IPO11: variants seen among roughly 807,000 people sequenced by gnomAD.
The protein encoded by IPO11 is importin 11.
A neutral mutation model predicts 143.2 loss-of-function variants in IPO11; 66 were observed. The observed-to-expected ratio is 0.46, with a 90% confidence interval of 0.38 to 0.57. The LOEUF (loss-of-function observed/expected upper bound fraction) is 0.57. Among genes scored for constraint, IPO11 ranks in the 20% least tolerant of loss-of-function variants. The pLI is 0.00. For synonymous variants in IPO11, 385 were observed against 377.8 expected (o/e 1.02, Z -0.22); for missense variants, 1,026 against 1,141.0 (o/e 0.90, Z 1.45).
rs372957999 is a variant in IPO11, at chr5:62,487,498, A to G, written c.1219-273A>G. ...TTAAGGTATGATTAATTTAAAATGT[A>G]CACTTTGCTTGCCATAGTTTTAAGT... On this transcript the variant is annotated intron_variant, in intron 12 of 29. Coordinates refer to ENST00000325324, the MANE Select transcript of IPO11 (RefSeq NM_016338.5). Among the ~76,000 whole-genome samples, 63 of 152,284 alleles carry G rather than the reference A, an allele frequency of 4.1e-4. No individual in the cohort carries two copies. The East Asian group carries it at 8.9e-3, about 21-fold the overall frequency.
chr5:62,556,836 T>G (rs1368785071), intron 26 of IPO11, among the ~76,000 whole-genome samples: 2 of 152,202 alleles, frequency 1.3e-5, no homozygotes, highest in African/African-American at 2.4e-5. Context: ...TCCTCTTTTA[T>G]TTTTCCTTTC....
intron 28 of IPO11, among the ~76,000 whole-genome samples, chr5:62,598,729 G>C (rs1442386408): frequency 6.6e-6 from 1 of 150,840 alleles, no homozygotes; most frequent in Non-Finnish European, 1.5e-5. Context: ...ATTTTTAGTA[G>C]AAATGGGGTT....
intron 5 of IPO11, among the ~76,000 whole-genome samples, chr5:62,466,824 A>T (rs1353468503): frequency 6.6e-6 from 1 of 152,214 alleles, no homozygotes; most frequent in Non-Finnish European, 1.5e-5. Flanking sequence ...TAGTGGAGAT[A>T]AAAAGAATAA....
intron 1 of IPO11, among the ~76,000 whole-genome samples, chr5:62,414,855 A>G (rs544998473): frequency 3.9e-4 from 59 of 152,222 alleles, no homozygotes; most frequent in Non-Finnish European, 6.8e-4. Flanking sequence ...TTATAGCATC[A>G]TTTATTTTAA....
intron 29 of IPO11, among the ~76,000 whole-genome samples, chr5:62,603,055 A>T (rs1197858866): frequency 6.6e-6 from 1 of 152,172 alleles, no homozygotes; most frequent in Non-Finnish European, 1.5e-5. Flanking sequence ...AGTTTCTTGG[A>T]AACTGTAACT....
intron 29 of IPO11, among the ~76,000 whole-genome samples, chr5:62,605,400 G>C (rs1745669809): frequency 6.6e-6 from 1 of 152,148 alleles, no homozygotes; most frequent in African/African-American, 2.4e-5. Context: ...CTATTAAGCT[G>C]TCCAGCCTTT....
At chr5:62,439,115 A>G (rs1488650216) in intron 2 of IPO11, among the ~76,000 whole-genome samples, 1 of 151,864 alleles carries the variant, frequency 6.6e-6, no homozygotes, top group Non-Finnish European at 1.5e-5. Context: ...GCTTATTTAA[A>G]TGAATATGCT....
rs1745884534 is a variant in IPO11, at chr5:62,610,378, T to C, written c.2763+8530T>C. 3.3e-5 allele frequency among the ~76,000 whole-genome samples: 5 copies of C among 152,202 alleles called. No homozygotes were observed. In the South Asian group the frequency reaches 1.0e-3, roughly 31 times the overall value. Reference sequence around the variant, plus strand: ...GCCAGCTATATATTGAAAAGCAGTTTGAAAGATAGTGAATATAAATTATTG... The same window carrying C: ...GCCAGCTATATATTGAAAAGCAGTTCGAAAGATAGTGAATATAAATTATTG... On this transcript the variant is annotated intron_variant, in intron 29 of 29. Transcript: ENST00000325324.
At chr5:62,618,662 A>G (rs1439700992) in intron 29 of IPO11, among the ~76,000 whole-genome samples, 1 of 152,184 alleles carries the variant, frequency 6.6e-6, no homozygotes, top group Non-Finnish European at 1.5e-5. Flanking sequence ...CAATGGAAAA[A>G]TCTTTTCAGG....
intron 26 of IPO11, among the ~76,000 whole-genome samples, chr5:62,558,563 A>T (rs1743655226): frequency 6.6e-6 from 1 of 152,208 alleles, no homozygotes; most frequent in Admixed American, 6.5e-5. Flanking sequence ...GTTATTTTCT[A>T]TTAAAGTTCC....
In IPO11 at chr5:62,451,842, T is replaced by G; in HGVS notation, c.425T>G (p.Leu142Arg). Reference protein sequence around the residue: ...LIESVKVQDDLRQHRALLTFY... With the variant: ...LIESVKVQDDRRQHRALLTFY... The stretch of plus-strand genomic sequence containing the variant: ...GAGTCTGTTAAAGTCCAGGATGATC[T>G]TCGACAGCACAGAGCATTACTTACC... The change falls in exon 5 of 30, where the codon CTT (leucine) becomes CGT (arginine). Residue 142 changes from leucine to arginine, a missense_variant. Coordinates refer to ENST00000325324, the MANE Select transcript of IPO11 (RefSeq NM_016338.5). 1 of 1,614,094 alleles carries G rather than the reference T, an allele frequency of 6.2e-7. No homozygotes were observed. The highest frequency in any genetic ancestry group is 8.5e-7 in the Non-Finnish European group (1 of 1,179,908).
At chr5:62,485,546 A>C in intron 12 of IPO11, 84 bp downstream of exon 12, 1 of 1,096,122 alleles carries the variant, frequency 9.1e-7, no homozygotes, top group Non-Finnish European at 1.4e-6. Context: ...TCTATTAAAG[A>C]TTCCAGACAT....
chr5:62,452,618 A>T (rs1295941261), intron 5 of IPO11, among the ~76,000 whole-genome samples: 3 of 150,278 alleles, frequency 2.0e-5, no homozygotes, highest in Non-Finnish European at 2.9e-5. Context: ...AGGGAGTGAC[A>T]GCCTTTTATC....
At chr5:62,497,435 T>A (rs993611123) in intron 16 of IPO11, among the ~76,000 whole-genome samples, 1 of 152,228 alleles carries the variant, frequency 6.6e-6, no homozygotes. Flanking sequence ...CTATTGTCTT[T>A]GTTAAGCAGA....
chr5:62,513,532 G>A (rs1741870602), intron 19 of IPO11, among the ~76,000 whole-genome samples: 2 of 147,326 alleles, frequency 1.4e-5, no homozygotes, highest in Admixed American at 1.3e-4. Flanking sequence ...CGGCTGGCCG[G>A]GCGGGGGGCT....
intron 8 of IPO11, 112 bp from the exon 9 acceptor site, chr5:62,476,571 A>G (rs574363863): frequency 5.2e-5 from 61 of 1,162,234 alleles, no homozygotes; most frequent in Non-Finnish European, 6.4e-5. Flanking sequence ...TAATGAATTC[A>G]TAATGCAAAA....
At chr5:62,503,450 A>G (rs1741429909) in intron 16 of IPO11, among the ~76,000 whole-genome samples, 1 of 144,440 alleles carries the variant, frequency 6.9e-6, no homozygotes, top group Admixed American at 7.1e-5. Context: ...AGATTCTATT[A>G]ATAGTTTAAT....
At position 62,627,379 on chromosome 5, in the gene IPO11, T is replaced by A; in HGVS notation, c.*61T>A. On this transcript the variant is annotated 3_prime_UTR_variant, in exon 30 of 30. Transcript: ENST00000325324. ...ACAAGCTGAGTAACCCAGCCTGCCG[T>A]TTGTATGTGAGAGCCTGCTGAGATG... 1 of 1,515,870 alleles carries A rather than the reference T, an allele frequency of 6.6e-7. No homozygotes were observed. Among genetic ancestry groups the A allele is most frequent in the South Asian group, 1.3e-5 (1 of 79,754 alleles). 93.9% of individuals were successfully genotyped at this position (1,515,870 alleles called of 1,614,324 possible). A position where few individuals can be genotyped will look rare whatever the true frequency, so the allele number is the denominator to read the frequency against.
At chr5:62,514,109 T>A (rs1197945607) in intron 19 of IPO11, among the ~76,000 whole-genome samples, 6 of 133,334 alleles carry the variant, frequency 4.5e-5, no homozygotes, top group African/African-American at 1.9e-4. Flanking sequence ...CTTTCCAGAC[T>A]GGGCAGCCAG....
Sources: gnomAD v4.1 joint callset for allele counts (sites outside exome capture counted in the v4.1 genomes callset) on GRCh38, gnomAD v4.1.1 for gene constraint, MANE v1.5 for transcripts, NCBI Gene and HGNC (gene_info 2026-07-23, HGNC 2026-07-21) for gene names.